The following TRAF6 variants were observed in gnomAD, a reference collection of about 807,000 sequenced individuals.
TRAF6 encodes the protein TNF receptor associated factor 6, also known as TNF receptor-associated factor 6.
A neutral mutation model predicts 48.4 loss-of-function variants in TRAF6; 10 were observed. The observed-to-expected ratio is 0.21, with a 90% confidence interval of 0.13 to 0.35. TRAF6 has a LOEUF of 0.35. TRAF6 is among the 10% of genes least tolerant of loss of function. The pLI is 1.00. For synonymous variants in TRAF6, 186 were observed against 219.6 expected (o/e 0.85, Z 1.35); for missense variants, 397 against 661.0 (o/e 0.60, Z 4.38).
intron 5 of TRAF6, among the ~76,000 whole-genome samples, chr11:36,493,375 G>C (rs923143675): frequency 3.3e-5 from 5 of 152,188 alleles, no homozygotes; most frequent in African/African-American, 7.2e-5. Flanking sequence ...TCTCAAGAGG[G>C]AACAGTGTAG....
chr11:36,509,840 C>G (rs1274295954), intron 1 of TRAF6, among the ~76,000 whole-genome samples: 1 of 151,436 alleles, frequency 6.6e-6, no homozygotes, highest in Admixed American at 6.6e-5. Flanking sequence ...GGGCGGCGTC[C>G]CCGACCCGTG....
Position 36,487,600 on chromosome 11 carries a change from G to A in TRAF6, c.*2238C>T, listed in dbSNP as rs931895225. 1 of 152,186 alleles carries A rather than the reference G, an allele frequency of 6.6e-6. No individual in the cohort carries two copies. Among genetic ancestry groups the A allele is most frequent in the African/African-American group, 2.4e-5 (1 of 41,440 alleles). 9.4% of individuals were successfully genotyped at this position (152,186 alleles called of 1,614,324 possible). On this transcript the variant is annotated 3_prime_UTR_variant, in exon 7 of 7. Transcript: ENST00000526995. ...TCCTAAGTATTGTCATTGTTCTGCT[G>A]GTTGGAACTTAATTTGAGACAGAAT...
At position 36,485,752 on chromosome 11, in the gene TRAF6, A is replaced by G. The variant is rs916769924; in HGVS notation, c.*4086T>C. Among the ~76,000 whole-genome samples the G allele has an allele frequency of 6.6e-6, 1 of 152,154 alleles. No individual in the cohort carries two copies. The highest frequency in any genetic ancestry group is 1.5e-5 in the Non-Finnish European group (1 of 68,038). ...CTTGCCAAGTGTCCGTTTTTGACTG[A>G]AAGTGAAGGCTGTAATTGAGTGTCA... On this transcript the variant is annotated 3_prime_UTR_variant, in exon 7 of 7. Coordinates refer to ENST00000526995, the MANE Select transcript of TRAF6 (RefSeq NM_004620.4).
In TRAF6 at chr11:36,487,723, T is replaced by C. The variant is rs934847709; in HGVS notation, c.*2115A>G. ...AAATTAGGCAAAACAACTTTTTTTTTTAATAAAGACTCTTGAGTTAGTAGA... is the reference window on the plus strand; with the variant it reads ...AAATTAGGCAAAACAACTTTTTTTTCTAATAAAGACTCTTGAGTTAGTAGA... On this transcript the variant is annotated 3_prime_UTR_variant, in exon 7 of 7. Transcript: ENST00000526995. 1 of 152,168 alleles carries C rather than the reference T, an allele frequency of 6.6e-6. No individual in the cohort carries two copies. The highest frequency in any genetic ancestry group is 1.5e-5 in the Non-Finnish European group (1 of 68,038). The allele number at this position is 152,168 out of a possible 1,614,324, so 9.4% of individuals were successfully genotyped here.
rs139044191 is a variant in TRAF6 at position 36,498,444 on chromosome 11, A to T, written c.447+46T>A. The T allele has an allele frequency of 2.4e-3, 3,778 of 1,566,556 alleles. 14 individuals are homozygous for T. The highest frequency in any genetic ancestry group is 0.016 in the Middle Eastern group (68 of 4,208). ...ACAGCAAAGTCCCTATTCTGTAGGAACTTCCTTTTATACATGTGCTAACAG... is the reference window on the plus strand; with the variant it reads ...ACAGCAAAGTCCCTATTCTGTAGGATCTTCCTTTTATACATGTGCTAACAG... On this transcript the variant is annotated intron_variant, in intron 3 of 6. Coordinates refer to ENST00000526995, the MANE Select transcript of TRAF6 (RefSeq NM_004620.4).
At position 36,490,147 on chromosome 11, in the gene TRAF6, G is replaced by A; in HGVS notation, c.1260C>T (p.Ser420=). 1.9e-6 allele frequency: 3 copies of A among 1,614,146 alleles called. No homozygotes were observed. The highest frequency in any genetic ancestry group is 2.5e-6 in the Non-Finnish European group (3 of 1,180,040). The stretch of plus-strand genomic sequence containing the variant: ...TACCCTGGAAGGGCCAAGGGAGGTG[G>A]CTGTCATATTCTCCTTGCATTGTGT... ...FVHTMQGEYD[S]HLPWPFQGTI... Residue 420 remains serine, a synonymous_variant, in exon 7 of 7, where the codon AGC becomes AGT. Coordinates refer to ENST00000526995, the MANE Select transcript of TRAF6 (RefSeq NM_004620.4). This position sits in a 1 kb window ranked among gnomAD's most constrained non-coding sequence, Gnocchi z 6.4.
intron 1 of TRAF6, among the ~76,000 whole-genome samples, chr11:36,508,014 C>T (rs1859830689): frequency 6.6e-6 from 1 of 151,476 alleles, no homozygotes; most frequent in Non-Finnish European, 1.5e-5. Context: ...TGCCACCAAG[C>T]CTGGTTAATT....
Position 36,485,408 on chromosome 11 carries a change from C to T in TRAF6, c.*4430G>A, listed in dbSNP as rs974460253. Among the ~76,000 whole-genome samples the T allele has an allele frequency of 1.3e-5, 2 of 152,130 alleles. No homozygotes were observed. Among genetic ancestry groups the T allele is most frequent in the African/African-American group, 4.8e-5 (2 of 41,390 alleles). On this transcript the variant is annotated 3_prime_UTR_variant, in exon 7 of 7. Coordinates refer to ENST00000526995, the MANE Select transcript of TRAF6 (RefSeq NM_004620.4). ...ATCCCCATTCCACACAGTTTACCTT[C>T]TCCTGGGGACTTGCATAGAAGAGAA...
At chr11:36,492,199 A>C (rs1319942892) in intron 6 of TRAF6, among the ~76,000 whole-genome samples, 1 of 152,210 alleles carries the variant, frequency 6.6e-6, no homozygotes, top group Non-Finnish European at 1.5e-5. Context: ...CCTCCACCTC[A>C]AATCATCTAC....
intron 2 of TRAF6, 103 bp from the exon 3 acceptor site, chr11:36,498,743 A>G (rs1859675912): frequency 1.6e-6 from 2 of 1,242,830 alleles, no homozygotes. Flanking sequence ...CTGTTTCATA[A>G]GTAAAAACAA....
intron 1 of TRAF6, among the ~76,000 whole-genome samples, chr11:36,508,891 G>A (rs1859850405): frequency 1.3e-5 from 2 of 152,104 alleles, no homozygotes; most frequent in South Asian, 2.1e-4. Context: ...AAAGTTTACC[G>A]GCATCACATG....
intron 1 of TRAF6, among the ~76,000 whole-genome samples, chr11:36,509,359 G>A (rs757497995): frequency 2.0e-5 from 3 of 151,824 alleles, no homozygotes; most frequent in Admixed American, 1.3e-4. Flanking sequence ...TCAACCCGGC[G>A]TCTGGAACAA....
intron 1 of TRAF6, among the ~76,000 whole-genome samples, chr11:36,509,211 T>C (rs924538759): frequency 4.6e-5 from 7 of 152,224 alleles, no homozygotes; most frequent in African/African-American, 1.7e-4. Context: ...GTAATAGTAA[T>C]CTGCTCTCAG....
intron 1 of TRAF6, among the ~76,000 whole-genome samples, chr11:36,502,929 A>G (rs1478958380): frequency 2.6e-5 from 4 of 152,242 alleles, no homozygotes; most frequent in Admixed American, 2.0e-4. Context: ...CCAGGCAGTA[A>G]GAATGAATTA....
chr11:36,509,638 TTGAG>T (rs1235526666), intron 1 of TRAF6, among the ~76,000 whole-genome samples: 1 of 151,812 alleles, frequency 6.6e-6, no homozygotes, highest in East Asian at 1.9e-4. Flanking sequence ...GGGAGCGAGG[TTGAG>T]TAAGGCGACG....
chr11:36,483,817 T>C lies in TRAF6; in HGVS notation c.*6021A>G, dbSNP rs925271286. Among the ~76,000 whole-genome samples, 13 of 152,280 alleles carry C rather than the reference T, an allele frequency of 8.5e-5. No homozygotes were observed. The highest frequency in any genetic ancestry group is 2.2e-4 in the African/African-American group (9 of 41,550). ...AATGAAGAGTGCTTTCTTGTAGACA[T>C]TGATGCAGTACATAGGGCTGGTAAG... is the stretch of plus-strand genomic sequence containing the variant. On this transcript the variant is annotated 3_prime_UTR_variant, in exon 7 of 7. Transcript: ENST00000526995.
chr11:36,501,333 G>A lies in TRAF6; in HGVS notation c.183C>T (p.Asp61=). 1 of 1,614,036 alleles carries A rather than the reference G, an allele frequency of 6.2e-7. No homozygotes were observed. The highest frequency in any genetic ancestry group is 8.5e-7 in the Non-Finnish European group (1 of 1,180,014). Residue 61 remains aspartate (D), a synonymous_variant, in exon 2 of 7, where the codon GAC becomes GAT. Coordinates refer to ENST00000526995, the MANE Select transcript of TRAF6 (RefSeq NM_004620.4). ...EEIQGYDVEF[D]PPLESKYECP... ...ATTCATACTTGCTTTCCAGGGGTGG[G>A]TCAAACTCTACATCATATCCCTGGA...
rs1859536980 is a variant in TRAF6, at chr11:36,489,800, T to C, written c.*38A>G. On this transcript the variant is annotated 3_prime_UTR_variant, in exon 7 of 7. Transcript: ENST00000526995. ...AGAACAGGGCAAGGAAAGGCACTGTTTTCTCCAGGTAGTTGTTTTTGAGCA... is the reference window on the plus strand; with the variant it reads ...AGAACAGGGCAAGGAAAGGCACTGTCTTCTCCAGGTAGTTGTTTTTGAGCA... 6.3e-7 allele frequency: 1 copy of C among 1,576,672 alleles called. No individual in the cohort carries two copies. Among genetic ancestry groups the C allele is most frequent in the Admixed American group, 1.8e-5 (1 of 56,058 alleles).
rs1859819918 is a variant in TRAF6 at position 36,507,673 on chromosome 11, ATATATGTATACATACACGAGCG to A, written c.-23+2353_-23+2374del. Among the ~76,000 whole-genome samples the A allele has an allele frequency of 4.4e-5, 3 of 67,654 alleles. 1 individual carries two copies. The highest frequency in any genetic ancestry group is 9.2e-5 in the Non-Finnish European group (3 of 32,618). The allele number at this position is 67,654 out of a possible 152,430, so 44.4% of individuals were successfully genotyped here. A position where few individuals can be genotyped will look rare whatever the true frequency, so the allele number is the denominator to read the frequency against. Reference sequence around the variant, plus strand: ...TATGTATACATACACACGCGCGTGTATATATGTATACATACACGAGCGTGTATATATGTATACATACACGCGC... The same window carrying A: ...TATGTATACATACACACGCGCGTGTATGTATATATGTATACATACACGCGC... On this transcript the variant is annotated intron_variant, in intron 1 of 6. Coordinates refer to ENST00000526995, the MANE Select transcript of TRAF6 (RefSeq NM_004620.4).
Sources: gnomAD v4.1 joint callset for allele counts (sites outside exome capture counted in the v4.1 genomes callset) on GRCh38, gnomAD v4.1.1 for gene constraint, Gnocchi (gnomAD v3.1) non-coding constraint, MANE v1.5 for transcripts, NCBI Gene and HGNC (gene_info 2026-07-23, HGNC 2026-07-21) for gene names.